PDE4B: variants seen among roughly 807,000 people sequenced by gnomAD.
PDE4B encodes phosphodiesterase 4B.
A neutral mutation model predicts 82.2 loss-of-function variants in PDE4B; 20 were observed. The ratio of observed to expected loss-of-function variants is 0.24; its 90% confidence interval spans 0.17 to 0.35. The LOEUF (loss-of-function observed/expected upper bound fraction) is 0.35, where lower values mean the gene tolerates loss of function less well. Among genes scored for constraint, PDE4B ranks in the 10% least tolerant of loss-of-function variants. The pLI is 1.00. For missense variants in PDE4B, 655 were observed against 907.2 expected (o/e 0.72, Z 3.57); for synonymous variants, 320 against 318.9 (o/e 1.00, Z -0.04).
intron 1 of PDE4B, among the ~76,000 whole-genome samples, chr1:65,804,960 T>G (rs886078259): frequency 1.1e-3 from 93 of 85,284 alleles, no homozygotes; most frequent in South Asian, 6.2e-3. Flanking sequence ...TCTTTTTTTT[T>G]GGGGGGGTGG....
intron 3 of PDE4B, among the ~76,000 whole-genome samples, chr1:66,116,651 C>T (rs1309144789): frequency 1.3e-5 from 2 of 152,158 alleles, no homozygotes; most frequent in Non-Finnish European, 2.9e-5. Context: ...GCAGCCTCAA[C>T]CTTCTTGGCT....
intron 1 of PDE4B, among the ~76,000 whole-genome samples, chr1:65,903,125 T>C (rs1646989982): frequency 6.6e-6 from 1 of 152,194 alleles, no homozygotes. Flanking sequence ...ACTACTGTAG[T>C]GGTTTTCAAG....
intron 1 of PDE4B, among the ~76,000 whole-genome samples, chr1:65,893,570 A>G (rs558843608): frequency 2.0e-5 from 3 of 152,256 alleles, no homozygotes; most frequent in East Asian, 1.9e-4. Flanking sequence ...TGCAACCACC[A>G]TGGAAGACAG....
At chr1:66,067,894 T>C (rs986481936) in intron 3 of PDE4B, among the ~76,000 whole-genome samples, 3 of 133,396 alleles carry the variant, frequency 2.2e-5, no homozygotes, top group African/African-American at 8.6e-5. Flanking sequence ...AATTGAACAA[T>C]GAGAACACAT....
chr1:65,978,000 T>C (rs1044919555), intron 3 of PDE4B, among the ~76,000 whole-genome samples: 22 of 151,370 alleles, frequency 1.5e-4, no homozygotes, highest in Middle Eastern at 3.4e-3. Context: ...CAGCACCATT[T>C]AATTTTAATT....
chr1:66,344,644 TAGG>T (rs1377338056), intron 8 of PDE4B, among the ~76,000 whole-genome samples: 1 of 152,204 alleles, frequency 6.6e-6, no homozygotes, highest in Non-Finnish European at 1.5e-5. Context: ...AACTCCTTGG[TAGG>T]AGTAGATTCT....
chr1:65,864,108 T>G (rs2801576), intron 1 of PDE4B, among the ~76,000 whole-genome samples: 79,818 of 151,288 alleles, frequency 0.53, 21,284 homozygotes, highest in Non-Finnish European at 0.57. Flanking sequence ...TTTCAGTAAG[T>G]TGATCTTCAA....
intron 3 of PDE4B, among the ~76,000 whole-genome samples, chr1:66,053,536 C>A (rs569364126): frequency 1.3e-5 from 2 of 152,078 alleles, no homozygotes; most frequent in Admixed American, 6.6e-5. Flanking sequence ...GATAGAGTAA[C>A]CTGGCCAAGG....
intron 8 of PDE4B, 48 bp from the exon 9 acceptor site, chr1:66,355,479 A>G (rs768408591): frequency 4.9e-6 from 6 of 1,217,626 alleles, no homozygotes; most frequent in Non-Finnish European, 7.3e-6. Flanking sequence ...TAAAATGAAC[A>G]TTTGCTCTTT....
intron 3 of PDE4B, among the ~76,000 whole-genome samples, chr1:66,095,164 A>G (rs1027360740): frequency 6.6e-6 from 1 of 151,926 alleles, no homozygotes; most frequent in Non-Finnish European, 1.5e-5. Context: ...GAGAGGTAAT[A>G]TTATTCAGTA....
At chr1:66,117,920 C>T (rs1235769799) in intron 3 of PDE4B, among the ~76,000 whole-genome samples, 1 of 152,162 alleles carries the variant, frequency 6.6e-6, no homozygotes, top group African/African-American at 2.4e-5. Context: ...AGTTTACAGT[C>T]CCACCAACAG....
chr1:66,156,114 T>G (rs1354574375), intron 3 of PDE4B, among the ~76,000 whole-genome samples: 1 of 152,194 alleles, frequency 6.6e-6, no homozygotes, highest in African/African-American at 2.4e-5. Context: ...TACCTTAATA[T>G]AGTAAACATT....
chr1:65,974,118 T>A (rs1650286375), intron 3 of PDE4B, among the ~76,000 whole-genome samples: 3 of 152,160 alleles, frequency 2.0e-5, no homozygotes, highest in Admixed American at 2.0e-4. Context: ...TGGCCTGGAA[T>A]AATTTTTATG....
At chr1:66,239,832 A>G (rs1353317654) in intron 3 of PDE4B, among the ~76,000 whole-genome samples, 1 of 152,244 alleles carries the variant, frequency 6.6e-6, no homozygotes, top group Admixed American at 6.5e-5. Context: ...CCATTTCTTG[A>G]TAGTGAAATG....
At chr1:66,348,757 C>T (rs773063781) in intron 8 of PDE4B, among the ~76,000 whole-genome samples, 2 of 151,024 alleles carry the variant, frequency 1.3e-5, no homozygotes, top group Non-Finnish European at 3.0e-5. Flanking sequence ...AATCTGGCAA[C>T]CTTATATATG....
chr1:66,251,875 C>G (rs781416465), intron 4 of PDE4B, among the ~76,000 whole-genome samples: 2 of 152,028 alleles, frequency 1.3e-5, no homozygotes, highest in Non-Finnish European at 2.9e-5. Context: ...AAGGAATTGG[C>G]CTTTATGTTG....
intron 1 of PDE4B, among the ~76,000 whole-genome samples, chr1:65,855,142 GATATTATATT>G (rs200109700): frequency 3.3e-5 from 5 of 150,196 alleles, no homozygotes; most frequent in African/African-American, 9.8e-5. Flanking sequence ...TATTTAAGCA[GATATTATATT>G]ATATTATATT....
intron 1 of PDE4B, among the ~76,000 whole-genome samples, chr1:65,837,184 C>T (rs1184279249): frequency 6.6e-6 from 1 of 151,724 alleles, no homozygotes; most frequent in East Asian, 1.9e-4. Context: ...TATATACTGC[C>T]CTAGAGATTA....
intron 3 of PDE4B, chr1:66,050,633 A>G (rs187795116): frequency 1.3e-5 from 2 of 152,256 alleles, no homozygotes; most frequent in East Asian, 3.9e-4. Flanking sequence ...CTCCAGATGT[A>G]CAGCATACTT....
Sources: gnomAD v4.1 joint callset for allele counts (sites outside exome capture counted in the v4.1 genomes callset) on GRCh38, gnomAD v4.1.1 for gene constraint, MANE v1.5 for transcripts, NCBI Gene and HGNC (gene_info 2026-07-23, HGNC 2026-07-21) for gene names.